The following ARID1B variants were observed in gnomAD, a reference collection of about 807,000 sequenced individuals.
The protein encoded by ARID1B is AT-rich interaction domain 1B.
Under a neutral mutation model 212.3 loss-of-function variants are expected in ARID1B, and 30 were observed. The observed-to-expected ratio is 0.14, with a 90% CI of 0.11 to 0.19. The LOEUF (loss-of-function observed/expected upper bound fraction) is 0.19. Among genes scored for constraint, ARID1B ranks in the 10% least tolerant of loss-of-function variants. ARID1B has a pLI of 1.00. For missense variants in ARID1B, 2,891 were observed against 3,204.0 expected (o/e 0.90, Z 2.36); for synonymous variants, 1,402 against 1,301.7 (o/e 1.08, Z -1.66).
At chr6:157,165,482 G>A (rs567911435) in intron 8 of ARID1B, among the ~76,000 whole-genome samples, 10 of 152,236 alleles carry the variant, frequency 6.6e-5, no homozygotes, top group Admixed American at 2.6e-4. Context: ...GATGGTCCAC[G>A]TTTGAACTTT....
At chr6:156,986,740 A>G (rs1777942401) in intron 4 of ARID1B, among the ~76,000 whole-genome samples, 1 of 151,480 alleles carries the variant, frequency 6.6e-6, no homozygotes, top group South Asian at 2.1e-4. Flanking sequence ...TCTGGACCTA[A>G]TTTTTTTTTA....
In ARID1B at chr6:157,207,324, A is replaced by C; in HGVS notation, c.6552A>C (p.Ala2184=). 6.2e-7 allele frequency: 1 copy of C among 1,614,076 alleles called. No individual in the cohort carries two copies. Among genetic ancestry groups the C allele is most frequent in the East Asian group, 2.2e-5 (1 of 44,876 alleles). Residue 2184 remains alanine (A), a synonymous_variant, in exon 20 of 20, where the codon GCA becomes GCC. Coordinates refer to ENST00000636930, the MANE Select transcript of ARID1B (RefSeq NM_001374828.1). This position sits in a 1 kb window ranked among gnomAD's most constrained non-coding sequence, Gnocchi z 8.5. ...GLLHWMVCPS[A]EAQDPFPTVG... ...TGCACTGGATGGTGTGCCCGTCTGC[A>C]GAGGCACAAGATCCCTTTCCAACTG...
In ARID1B at chr6:156,779,515, G is replaced by T. The variant is rs371019276; in HGVS notation, c.1791+44G>T. On this transcript the variant is annotated intron_variant, in intron 1 of 19. Coordinates refer to ENST00000636930, the MANE Select transcript of ARID1B (RefSeq NM_001374828.1). ...GGGCCTGCTTCCGCCCGGCGGCCTC[G>T]CCGCGCCGCGAGCCTGAGTTTCTTT... 2,600 of 1,267,476 alleles carry T rather than the reference G, an allele frequency of 2.1e-3. 12 individuals carry two copies. The highest frequency in any genetic ancestry group is 1.9e-3 in the Non-Finnish European group (1,935 of 1,003,278). The allele number at this position is 1,267,476 out of a possible 1,614,324, so 78.5% of individuals were successfully genotyped here.
intron 4 of ARID1B, among the ~76,000 whole-genome samples, chr6:156,988,889 G>T (rs1031298792): frequency 2.6e-5 from 4 of 152,206 alleles, no homozygotes; most frequent in African/African-American, 9.6e-5. Context: ...ATTCATGACA[G>T]TTGCATATGT....
intron 8 of ARID1B, among the ~76,000 whole-genome samples, chr6:157,162,662 C>T (rs1016929094): frequency 6.6e-6 from 1 of 152,114 alleles, no homozygotes; most frequent in Non-Finnish European, 1.5e-5. Flanking sequence ...CTGGTTATTC[C>T]GCAGGTCAGC....
chr6:156,787,515 T>C (rs1231922727), intron 1 of ARID1B, among the ~76,000 whole-genome samples: 1 of 152,224 alleles, frequency 6.6e-6, no homozygotes, highest in Non-Finnish European at 1.5e-5. Flanking sequence ...GGCGTCTAAT[T>C]TGTGAAATCT....
chr6:157,041,464 A>C (rs1781868477), intron 4 of ARID1B, among the ~76,000 whole-genome samples: 1 of 152,188 alleles, frequency 6.6e-6, no homozygotes, highest in African/African-American at 2.4e-5. Flanking sequence ...AACATAACTT[A>C]ATAAACTTCT....
chr6:157,207,586 A>G lies in ARID1B; in HGVS notation c.6814A>G (p.Ile2272Val), dbSNP rs1794562938. The G allele has an allele frequency of 2.5e-6, 4 of 1,614,220 alleles. No individual in the cohort carries two copies. Among genetic ancestry groups the G allele is most frequent in the Non-Finnish European group, 3.4e-6 (4 of 1,180,044 alleles). The part of the protein sequence containing the change: ...AQGDALAARA[I>V]AVQKGSIGNL... ...AGGGGACGCACTAGCAGCAAGGGCCATAGCTGTGCAGAAAGGAAGCATTGG... is the reference window on the plus strand; with the variant it reads ...AGGGGACGCACTAGCAGCAAGGGCCGTAGCTGTGCAGAAAGGAAGCATTGG... Residue 2272 changes from isoleucine (I) to valine (V), a missense_variant, in exon 20 of 20, where the codon ATA becomes GTA. By Grantham distance (29) the Ile-to-Val change is conservative. Transcript: ENST00000636930. The surrounding 1 kb of genome is among the most constrained non-coding windows in gnomAD (Gnocchi z 8.5).
intron 1 of ARID1B, among the ~76,000 whole-genome samples, chr6:156,824,667 A>T (rs974895591): frequency 3.3e-5 from 5 of 152,112 alleles, no homozygotes; most frequent in Non-Finnish European, 7.4e-5. Flanking sequence ...TGGGAGGCTG[A>T]GACATGAGAA....
chr6:157,049,540 A>AAAC (rs1157603786), intron 4 of ARID1B, among the ~76,000 whole-genome samples: 1 of 152,172 alleles, frequency 6.6e-6, no homozygotes, highest in Non-Finnish European at 1.5e-5. Context: ...GTTTCTTAAG[A>AAAC]AGCCATGTAC....
intron 3 of ARID1B, among the ~76,000 whole-genome samples, chr6:156,902,662 G>A (rs1372598731): frequency 2.0e-5 from 3 of 150,408 alleles, no homozygotes; most frequent in African/African-American, 4.9e-5. Context: ...GCTTGAACCC[G>A]GGAGGCGGAG....
At chr6:157,125,574 A>G (rs1788078845) in intron 6 of ARID1B, among the ~76,000 whole-genome samples, 1 of 152,170 alleles carries the variant, frequency 6.6e-6, no homozygotes, top group Non-Finnish European at 1.5e-5. Flanking sequence ...GGTCTTTCCT[A>G]CACGTTGTTT....
chr6:157,102,115 GTTCTTT>G (rs1333617368), intron 5 of ARID1B, among the ~76,000 whole-genome samples: 1 of 152,110 alleles, frequency 6.6e-6, no homozygotes, highest in Non-Finnish European at 1.5e-5. Flanking sequence ...TAGTGTTCTT[GTTCTTT>G]TTCTATAGTT....
chr6:157,007,982 G>C (rs1032915926), intron 4 of ARID1B, among the ~76,000 whole-genome samples: 5 of 152,150 alleles, frequency 3.3e-5, no homozygotes, highest in African/African-American at 1.2e-4. Flanking sequence ...AGCCTAGGAA[G>C]CCCTAAGTTT....
chr6:157,081,863 TG>T (rs1357261352), intron 4 of ARID1B, among the ~76,000 whole-genome samples: 7 of 152,242 alleles, frequency 4.6e-5, no homozygotes, highest in Non-Finnish European at 1.0e-4. Context: ...AAATTAAATC[TG>T]ATTTGTCCTT....
chr6:157,184,090 CTGCTGAGTGGG>C, intron 12 of ARID1B, 130 bp from the exon 13 acceptor site: 1 of 728,024 alleles, frequency 1.4e-6, no homozygotes, highest in Non-Finnish European at 2.2e-6. Context: ...TGCCTATGCA[CTGCTGAGTGGG>C]AGTAATGAGC....
chr6:156,837,917 T>C (rs1783624301), intron 2 of ARID1B, among the ~76,000 whole-genome samples: 1 of 152,220 alleles, frequency 6.6e-6, no homozygotes. Flanking sequence ...GATCTGAATG[T>C]GGGTAGTGTG....
intron 2 of ARID1B, among the ~76,000 whole-genome samples, chr6:156,897,191 A>ACTGCTGCTGCTGCTG (rs576037969): frequency 6.2e-5 from 7 of 112,102 alleles, no homozygotes; most frequent in South Asian, 3.0e-4. Context: ...TGCTGCTGCT[A>ACTGCTGCTGCTGCTG]CTGCTGCTGC....
At chr6:156,787,835 C>G (rs1779747755) in intron 1 of ARID1B, among the ~76,000 whole-genome samples, 1 of 152,104 alleles carries the variant, frequency 6.6e-6, no homozygotes, top group Admixed American at 6.6e-5. Flanking sequence ...AGATCATGGG[C>G]TTGGAGCTGG....
Sources: allele counts gnomAD v4.1 joint callset (sites outside exome capture counted in the v4.1 genomes callset), GRCh38; gene constraint gnomAD v4.1.1; non-coding constraint Gnocchi (gnomAD v3.1); transcripts MANE v1.5; gene names NCBI Gene and HGNC (gene_info 2026-07-23, HGNC 2026-07-21).